Variants in PSG6 observed in about 807,000 individuals in gnomAD.
PSG6 encodes the protein pregnancy specific beta-1-glycoprotein 6.
A neutral mutation model predicts 43.3 loss-of-function variants in PSG6; 51 were observed. The ratio of observed to expected loss-of-function variants is 1.18; its 90% confidence interval spans 0.94 to 1.49. The LOEUF (loss-of-function observed/expected upper bound fraction) is 1.49, where lower values mean the gene tolerates loss of function less well. Ranked by LOEUF, PSG6 falls within the 40% of genes most tolerant of loss-of-function variation. The probability of loss-of-function intolerance (pLI) is 0.00; values close to 1 mark genes in which losing one functional copy is unlikely to be tolerated. For synonymous variants in PSG6, 292 were observed against 197.6 expected (o/e 1.48, Z -4.01); for missense variants, 770 against 522.2 (o/e 1.47, Z -4.62).
At chr19:42,905,756 C>A (rs187873652) in intron 5 of PSG6, among the ~76,000 whole-genome samples, 1 of 151,612 alleles carries the variant, frequency 6.6e-6, no homozygotes, top group East Asian at 1.9e-4. Context: ...AAGAAAATTA[C>A]AATACATCGT....
chr19:42,902,901 G>T (rs369712188), intron 5 of PSG6, among the ~76,000 whole-genome samples: 1 of 151,462 alleles, frequency 6.6e-6, no homozygotes, highest in East Asian at 1.9e-4. Context: ...ATGTGTTACC[G>T]CTTTTTTCAT....
chr19:42,916,345 T>C lies in PSG6; in HGVS notation c.207A>G (p.Lys69=), dbSNP rs141218513. 6.2e-6 allele frequency: 10 copies of C among 1,612,172 alleles called. No individual in the cohort carries two copies. The highest frequency in any genetic ancestry group is 8.5e-6 in the Non-Finnish European group (10 of 1,179,150). Residue 69 remains lysine, a synonymous_variant, in exon 2 of 6, where the codon AAA becomes AAG. Coordinates refer to ENST00000187910, the MANE Select transcript of PSG6 (RefSeq NM_001031850.4). ...PQNLTGYIWY[K]GQMTDLYHYI... ...AATGGTAGAGGTCCGTCATTTGCCCTTTGTACCAGATGTAGCCAGTAAGAT... is the reference window on the plus strand; with the variant it reads ...AATGGTAGAGGTCCGTCATTTGCCCCTTGTACCAGATGTAGCCAGTAAGAT...
intron 2 of PSG6, among the ~76,000 whole-genome samples, chr19:42,911,091 C>T (rs555620796): frequency 1.3e-5 from 2 of 151,564 alleles, no homozygotes; most frequent in African/African-American, 2.4e-5. Context: ...AATTGAGCAG[C>T]AGCATTGGGT....
chr19:42,915,274 A>C (rs1383557800), intron 2 of PSG6: 2 of 151,778 alleles, frequency 1.3e-5, no homozygotes, highest in East Asian at 3.9e-4. Context: ...TCTGTGAATA[A>C]ATGTTAAAGT....
At chr19:42,909,819 G>C (rs1297997995) in intron 3 of PSG6, 2 of 151,834 alleles carry the variant, frequency 1.3e-5, no homozygotes, top group African/African-American at 4.8e-5. Context: ...CCTGGGTTTT[G>C]ATTTTCCCTC....
In PSG6 at chr19:42,916,422, T is replaced by C. The variant is rs1972334180; in HGVS notation, c.130A>G (p.Lys44Glu). Residue 44 changes from lysine (K) to glutamate (E), a missense_variant, in exon 2 of 6, where the codon AAA becomes GAA. Lys to Glu is a moderately conservative substitution (Grantham distance 56). Transcript: ENST00000187910. ...AGAACATCCTTCCCCTCGGAAACTT[T>C]GGGTGGCTTGGCTTCAATTATTACT... is the stretch of plus-strand genomic sequence containing the variant. Reference protein sequence around the residue: ...AQVIIEAKPPKVSEGKDVLLL... With the variant: ...AQVIIEAKPPEVSEGKDVLLL... 11 of 1,611,888 alleles carry C rather than the reference T, an allele frequency of 6.8e-6. 1 individual carries two copies. The Admixed American group carries it at 1.8e-4, about 27-fold the overall frequency.
intron 3 of PSG6, among the ~76,000 whole-genome samples, chr19:42,908,346 C>T (rs1401370719): frequency 6.6e-6 from 1 of 151,748 alleles, no homozygotes; most frequent in East Asian, 1.9e-4. Context: ...AGCAGCCTGG[C>T]CTGGGACTGG....
chr19:42,904,526 T>A (rs1972083045), intron 5 of PSG6, among the ~76,000 whole-genome samples: 2 of 151,688 alleles, frequency 1.3e-5, no homozygotes, highest in East Asian at 3.9e-4. Context: ...TTAAGAAAAA[T>A]AATTTCAATT....
At chr19:42,907,910 T>C (rs1380702538) in intron 3 of PSG6, 56 bp from the exon 4 acceptor site, 1 of 1,591,128 alleles carries the variant, frequency 6.3e-7, no homozygotes. Flanking sequence ...TCCACAGGCA[T>C]CCTTCATTCA....
At chr19:42,914,864 GAC>G (rs1000050337) in intron 2 of PSG6, among the ~76,000 whole-genome samples, 3 of 125,552 alleles carry the variant, frequency 2.4e-5, no homozygotes, top group Admixed American at 7.9e-5. Context: ...CGGTGACATG[GAC>G]ACTTGGGAAA....
At position 42,907,176 on chromosome 19, in the gene PSG6, T is replaced by C. The variant is rs138770372; in HGVS notation, c.986A>G (p.Tyr329Cys). The change falls in exon 5 of 6, where the codon TAT becomes TGT. Residue 329 changes from tyrosine to cysteine, a missense_variant and splice_region_variant. Tyr to Cys is a radical substitution (Grantham distance 194). Coordinates refer to ENST00000187910, the MANE Select transcript of PSG6 (RefSeq NM_001031850.4). ...GTAAATTCTGGGGAGGTCTGGACCA[T>C]CTGGAGGAAAGAGAATAAAGCCACA... ...RSNPVTLNVLYGPDLPRIYPS... is the reference protein window; with the variant it reads ...RSNPVTLNVLCGPDLPRIYPS... 1.2e-6 allele frequency: 2 copies of C among 1,610,852 alleles called. No individual in the cohort carries two copies. The highest frequency in any genetic ancestry group is 1.1e-5 in the South Asian group (1 of 90,600).
At chr19:42,905,675 C>T (rs759610825) in intron 5 of PSG6, among the ~76,000 whole-genome samples, 1 of 151,506 alleles carries the variant, frequency 6.6e-6, no homozygotes, top group African/African-American at 2.4e-5. Context: ...ACTGAAAAGT[C>T]CATTGAAAGA....
Position 42,910,665 on chromosome 19 carries a change from T to C in PSG6, c.621A>G (p.Thr207=). 1 of 1,612,380 alleles carries C rather than the reference T, an allele frequency of 6.2e-7. No individual in the cohort carries two copies. The highest frequency in any genetic ancestry group is 1.6e-4 in the Middle Eastern group (1 of 6,062). ...ATTCATAGGGTCCTGCAATATACTT[T>C]GTGACACCAAATAGATAGAGGGTCC... ...TNRTLYLFGV[T]KYIAGPYECE... is the part of the protein sequence containing the mutation. Residue 207 remains threonine (T), a synonymous_variant, in exon 3 of 6, where the codon ACA becomes ACG. Coordinates refer to ENST00000187910, the MANE Select transcript of PSG6 (RefSeq NM_001031850.4).
Position 42,917,329 on chromosome 19 carries a change from C to A in PSG6, c.64+400G>T, listed in dbSNP as rs147351300. On this transcript the variant is annotated intron_variant, in intron 1 of 5. Transcript: ENST00000187910. ...TTCCCCTATCCAGGCTCCAACAGAG[C>A]CTTCTTTCCCTTTTTTTCTTTCTTC... Among the ~76,000 whole-genome samples the A allele has an allele frequency of 1.1e-3, 158 of 150,274 alleles. 7 individuals are homozygous for A. The East Asian group carries it at 0.03, about 28-fold the overall frequency.
chr19:42,916,595 T>G lies in PSG6; in HGVS notation c.65-108A>C, dbSNP rs1442887118. On this transcript the variant is annotated intron_variant, in intron 1 of 5. Coordinates refer to ENST00000187910, the MANE Select transcript of PSG6 (RefSeq NM_001031850.4). ...TCTTCAATCATCAGCCTTGAAGATATGCACACACACACATACAAACACACA... is the reference window on the plus strand; with the variant it reads ...TCTTCAATCATCAGCCTTGAAGATAGGCACACACACACATACAAACACACA... 5.6e-6 allele frequency: 8 copies of G among 1,420,538 alleles called. 1 individual carries two copies. The Admixed American group carries it at 8.5e-5, about 15-fold the overall frequency. 88.0% of individuals were successfully genotyped at this position (1,420,538 alleles called of 1,614,324 possible). A position where few individuals can be genotyped will look rare whatever the true frequency, so the allele number is the denominator to read the frequency against.
chr19:42,912,562 G>A (rs1972247644), intron 2 of PSG6, among the ~76,000 whole-genome samples: 1 of 151,742 alleles, frequency 6.6e-6, no homozygotes, highest in Non-Finnish European at 1.5e-5. Flanking sequence ...ATAAAAGGAG[G>A]AAGGATGCCA....
chr19:42,914,739 C>T (rs879861551), intron 2 of PSG6, among the ~76,000 whole-genome samples: 1 of 151,490 alleles, frequency 6.6e-6, no homozygotes, highest in Non-Finnish European at 1.5e-5. Flanking sequence ...TTCTTCATTC[C>T]ATTCCTTCAT....
chr19:42,916,377 G>A lies in PSG6; in HGVS notation c.175C>T (p.Pro59Ser), dbSNP rs1422129823. 3.1e-6 allele frequency: 5 copies of A among 1,612,176 alleles called. 1 individual carries two copies. The highest frequency in any genetic ancestry group is 1.3e-5 in the African/African-American group (1 of 74,784). Residue 59 changes from proline (P) to serine (S), a missense_variant, in exon 2 of 6, where the codon CCC becomes TCC. Physicochemically the swap from Pro to Ser is moderately conservative, Grantham distance 74. Transcript: ENST00000187910. The stretch of plus-strand genomic sequence containing the variant: ...CAGATGTAGCCAGTAAGATTCTGGG[G>A]CAAATTGTGGACAAGTAGAAGAACA... Reference protein sequence around the residue: ...KDVLLLVHNLPQNLTGYIWYK... With the variant: ...KDVLLLVHNLSQNLTGYIWYK...
Position 42,907,214 on chromosome 19 carries a change from C to G in PSG6, c.986-38G>C, listed in dbSNP as rs139646673. The stretch of plus-strand genomic sequence containing the variant: ...GAATAAAGCCACAGGTGATGTCATC[C>G]AAGGGAAGGGGATGCTCCTGGTCTC... On this transcript the variant is annotated intron_variant, in intron 4 of 5. Coordinates refer to ENST00000187910, the MANE Select transcript of PSG6 (RefSeq NM_001031850.4). 6.3e-4 allele frequency: 1,010 copies of G among 1,597,712 alleles called. 26 individuals are homozygous for G. In the African/African-American group the frequency reaches 0.011, roughly 18 times the overall value.
Sources: gnomAD v4.1 joint callset for allele counts (sites outside exome capture counted in the v4.1 genomes callset) on GRCh38, gnomAD v4.1.1 for gene constraint, MANE v1.5 for transcripts, NCBI Gene and HGNC (gene_info 2026-07-23, HGNC 2026-07-21) for gene names.